The following PAH variants were observed in gnomAD, a reference collection of about 807,000 sequenced individuals.
PAH encodes the protein phenylalanine-4-hydroxylase.
In PAH, 64 loss-of-function variants were observed where a neutral mutation model predicts 62.0. That is an observed-to-expected ratio of 1.03 (90% CI 0.84 to 1.27). The LOEUF (loss-of-function observed/expected upper bound fraction) is 1.27, where lower values mean the gene tolerates loss of function less well. PAH is among the 50% of genes most tolerant of loss of function. The pLI, the probability that PAH is intolerant of heterozygous loss-of-function variation, is 0.00. For synonymous variants in PAH, 195 were observed against 196.2 expected (o/e 0.99, Z 0.05); for missense variants, 579 against 542.8 (o/e 1.07, Z -0.66).
intron 1 of PAH, among the ~76,000 whole-genome samples, chr12:102,943,184 G>A (rs1373399919): frequency 6.6e-6 from 1 of 152,008 alleles, no homozygotes; most frequent in South Asian, 2.1e-4. Context: ...TCCAACAAAG[G>A]TCTAATATTC....
In PAH at chr12:102,913,742, T is replaced by C. The variant is rs1878286652; in HGVS notation, c.61-844A>G. 3 of 694,672 alleles carry C rather than the reference T, an allele frequency of 4.3e-6. No homozygotes were observed. The Admixed American group carries it at 6.1e-5, about 14-fold the overall frequency. The allele number at this position is 694,672 out of a possible 1,614,324, so 43.0% of individuals were successfully genotyped here. A position where few individuals can be genotyped will look rare whatever the true frequency, so the allele number is the denominator to read the frequency against. On this transcript the variant is annotated intron_variant, in intron 1 of 12. Coordinates refer to ENST00000553106, the MANE Select transcript of PAH (RefSeq NM_000277.3). ...TCCATGAAAGTACACAAATAACCTA[T>C]CAGAAAATAAACTTAGTCTTAAACT...
At chr12:102,872,725 T>C (rs968022475) in intron 4 of PAH, among the ~76,000 whole-genome samples, 1 of 152,216 alleles carries the variant, frequency 6.6e-6, no homozygotes, top group African/African-American at 2.4e-5. Context: ...CCCAGCATTT[T>C]GGGAGGCTGA....
intron 1 of PAH, among the ~76,000 whole-genome samples, chr12:102,927,590 G>T (rs890853784): frequency 6.6e-6 from 1 of 152,020 alleles, no homozygotes; most frequent in Non-Finnish European, 1.5e-5. Flanking sequence ...ATAGTGTGGG[G>T]AGAAATGAAA....
At chr12:102,853,363 A>ATGATAC in intron 6 of PAH, 20 of 324,018 alleles carry the variant, frequency 6.2e-5, no homozygotes, top group South Asian at 1.9e-4. Context: ...ATTTCCCAGA[A>ATGATAC]GGGAAGAGTA....
intron 3 of PAH, among the ~76,000 whole-genome samples, chr12:102,891,484 C>T (rs969244928): frequency 6.6e-6 from 1 of 152,168 alleles, no homozygotes; most frequent in Non-Finnish European, 1.5e-5. Flanking sequence ...ATTTTGGTCG[C>T]TCTTGTGCTC....
upstream of PAH, chr12:102,917,412 C>T: frequency 2.1e-6 from 1 of 468,976 alleles, no homozygotes. Flanking sequence ...GGAGGCACCA[C>T]TTCGCTGCCC....
upstream of PAH, among the ~76,000 whole-genome samples, chr12:102,951,190 G>A (rs144746193): frequency 3.4e-3 from 522 of 152,250 alleles, 19 homozygotes; most frequent in East Asian, 0.088. Context: ...TATTTATTAT[G>A]CCGTCACGGG....
intron 8 of PAH, among the ~76,000 whole-genome samples, chr12:102,851,088 T>A (rs1271583857): frequency 7.0e-6 from 1 of 142,970 alleles, no homozygotes; most frequent in African/African-American, 2.6e-5. Context: ...GACCTTGCCT[T>A]AAAAGAAAAA....
At position 102,852,800 on chromosome 12, in the gene PAH, G is replaced by A. The variant is rs1565846653; in HGVS notation, c.842+15C>T. On this transcript the variant is annotated intron_variant, in intron 7 of 12. Transcript: ENST00000553106. ...CATTGTGCCTGGCAACTGGTAGCTG[G>A]AGGACAGTACTCACGGTTCGGGGGT... 1 of 1,613,966 alleles carries A rather than the reference G, an allele frequency of 6.2e-7. No homozygotes were observed. Among genetic ancestry groups the A allele is most frequent in the Admixed American group, 1.7e-5 (1 of 60,012 alleles).
chr12:102,843,577 C>T, intron 11 of PAH, 69 bp downstream of exon 11: 1 of 1,562,274 alleles, frequency 6.4e-7, no homozygotes, highest in Non-Finnish European at 8.8e-7. Flanking sequence ...CCTGGCCAAC[C>T]ACCCACAGAT....
chr12:102,935,025 T>C (rs1432542067), intron 1 of PAH, among the ~76,000 whole-genome samples: 5 of 152,142 alleles, frequency 3.3e-5, no homozygotes, highest in Admixed American at 3.3e-4. Flanking sequence ...TGACCCTAGC[T>C]GTGGGTCTGT....
At chr12:102,850,542 T>G (rs113442304) in intron 8 of PAH, among the ~76,000 whole-genome samples, 7,363 of 152,282 alleles carry the variant, frequency 0.048, 201 homozygotes, top group African/African-American at 0.054. Flanking sequence ...TCATTCCATT[T>G]GATTCTTGTG....
At chr12:102,910,372 CTT>C (rs766959541) in intron 2 of PAH, among the ~76,000 whole-genome samples, 27 of 141,296 alleles carry the variant, frequency 1.9e-4, no homozygotes, top group African/African-American at 1.8e-4. Flanking sequence ...CTTGAAATTC[CTT>C]TTTTTTTTTT....
At position 102,855,183 on chromosome 12, in the gene PAH, T is replaced by C. The variant is rs1592954413; in HGVS notation, c.659A>G (p.His220Arg). ...TTCCAGCTGGGGAATGTTATCTTCA[T>C]GGAAGCCACAGTACTTTTCAAGAAG... Reference protein sequence around the residue: ...FPLLEKYCGFHEDNIPQLEDV... With the variant: ...FPLLEKYCGFREDNIPQLEDV... Residue 220 changes from histidine (H) to arginine (R), a missense_variant, in exon 6 of 13, where the codon CAT becomes CGT. Physicochemically the swap from His to Arg is conservative, Grantham distance 29. Coordinates refer to ENST00000553106, the MANE Select transcript of PAH (RefSeq NM_000277.3). 1 of 1,614,202 alleles carries C rather than the reference T, an allele frequency of 6.2e-7. No individual in the cohort carries two copies. Among genetic ancestry groups the C allele is most frequent in the South Asian group, 1.1e-5 (1 of 91,082 alleles).
intron 11 of PAH, among the ~76,000 whole-genome samples, chr12:102,840,761 A>G (rs1200193057): frequency 2.0e-5 from 3 of 152,192 alleles, no homozygotes; most frequent in Non-Finnish European, 4.4e-5. Context: ...CCCTGGCTCC[A>G]AGAAGACAGA....
chr12:102,954,570 C>G (rs1325972311), upstream of PAH, among the ~76,000 whole-genome samples: 9 of 152,322 alleles, frequency 5.9e-5, no homozygotes, highest in East Asian at 1.3e-3. Context: ...CAGGGTCACA[C>G]AGCTCTCAGG....
intron 6 of PAH, chr12:102,854,897 C>G (rs1173863031): frequency 3.4e-6 from 2 of 584,432 alleles, no homozygotes; most frequent in East Asian, 5.8e-5. Flanking sequence ...GGGACAGGTA[C>G]ACGGCAAAAT....
chr12:102,877,396 A>T, intron 4 of PAH, 66 bp downstream of exon 4: 1 of 1,069,850 alleles, frequency 9.3e-7, no homozygotes, highest in Non-Finnish European at 1.5e-6. Context: ...TAGAGAAGGT[A>T]AGAGGAAGGG....
intron 1 of PAH, among the ~76,000 whole-genome samples, chr12:102,925,334 A>G (rs555028308): frequency 6.6e-6 from 1 of 152,270 alleles, no homozygotes; most frequent in South Asian, 2.1e-4. Context: ...TTCAGAGCAA[A>G]GGAGGAAAGG....
Sources: allele counts gnomAD v4.1 joint callset (sites outside exome capture counted in the v4.1 genomes callset), GRCh38; gene constraint gnomAD v4.1.1; transcripts MANE v1.5; gene names NCBI Gene and HGNC (gene_info 2026-07-23, HGNC 2026-07-21).